Variants in SLCO5A1 observed in about 807,000 individuals in gnomAD.
The protein encoded by SLCO5A1 is organic anion transporter polypeptide-related protein 4.
Under a neutral mutation model 65.1 loss-of-function variants are expected in SLCO5A1, and 39 were observed. The observed-to-expected ratio is 0.60, with a 90% CI of 0.46 to 0.78. SLCO5A1 has a LOEUF of 0.78. Among genes scored for constraint, SLCO5A1 ranks in the 30% least tolerant of loss-of-function variants. The pLI, the probability that SLCO5A1 is intolerant of heterozygous loss-of-function variation, is 0.00. For synonymous variants in SLCO5A1, 438 were observed against 415.7 expected (o/e 1.05, Z -0.65); for missense variants, 1,029 against 1,069.4 (o/e 0.96, Z 0.53).
chr8:69,824,830 A>G (rs1820800438), intron 2 of SLCO5A1, among the ~76,000 whole-genome samples: 1 of 152,236 alleles, frequency 6.6e-6, no homozygotes, highest in Non-Finnish European at 1.5e-5. Flanking sequence ...ACCAAAAAAG[A>G]GAATTTTACA....
chr8:69,760,138 G>A (rs1318954216), intron 3 of SLCO5A1, among the ~76,000 whole-genome samples: 2 of 152,156 alleles, frequency 1.3e-5, no homozygotes, highest in Non-Finnish European at 2.9e-5. Context: ...ATAGAACACA[G>A]AACATATGCT....
At chr8:69,751,088 T>C (rs1315655423) in intron 4 of SLCO5A1, among the ~76,000 whole-genome samples, 1 of 152,238 alleles carries the variant, frequency 6.6e-6, no homozygotes, top group Non-Finnish European at 1.5e-5. Context: ...TGTTACATTT[T>C]ATGCTTAATA....
In SLCO5A1 at chr8:69,761,827, A is replaced by G; in HGVS notation, c.956T>C (p.Leu319Ser). The G allele has an allele frequency of 6.2e-7, 1 of 1,614,026 alleles. No homozygotes were observed. Among genetic ancestry groups the G allele is most frequent in the Non-Finnish European group, 8.5e-7 (1 of 1,179,966 alleles). Reference sequence around the variant, plus strand: ...ATAAAAACCAATAAGAAGTCCACCTAATAAATATCCCACTGCAGGGCCAAG... The same window carrying G: ...ATAAAAACCAATAAGAAGTCCACCTGATAAATATCCCACTGCAGGGCCAAG... ...GALGPAVGYL[L>S]GGLLIGFYVD... is the part of the protein sequence containing the mutation. Residue 319 changes from leucine (L) to serine (S), a missense_variant, in exon 3 of 10, where the codon TTA (leucine) becomes TCA (serine). By Grantham distance (145) the Leu-to-Ser change is moderately radical. Transcript: ENST00000260126.
chr8:69,817,650 G>T (rs1820462701), intron 2 of SLCO5A1, among the ~76,000 whole-genome samples: 1 of 152,140 alleles, frequency 6.6e-6, no homozygotes, highest in Non-Finnish European at 1.5e-5. Flanking sequence ...GAGGTTAAAT[G>T]AGATGATCTC....
Position 69,671,564 on chromosome 8 carries a change from T to C in SLCO5A1, c.*1305A>G, listed in dbSNP as rs1813328787. 1 of 152,178 alleles carries C rather than the reference T, an allele frequency of 6.6e-6. No individual in the cohort carries two copies. Among genetic ancestry groups the C allele is most frequent in the Admixed American group, 6.5e-5 (1 of 15,282 alleles). 9.4% of individuals were successfully genotyped at this position (152,178 alleles called of 1,614,324 possible). A position where few individuals can be genotyped will look rare whatever the true frequency, so the allele number is the denominator to read the frequency against. On this transcript the variant is annotated 3_prime_UTR_variant, in exon 10 of 10. Transcript: ENST00000260126. ...TGATGCTTACTTCAAAGTGATGTGC[T>C]GGGAGGTACTGAAAAGAATGATGGG...
chr8:69,809,733 G>GGTGTGTGTGTGTGT (rs111791623), intron 2 of SLCO5A1, among the ~76,000 whole-genome samples: 21 of 149,280 alleles, frequency 1.4e-4, no homozygotes, highest in South Asian at 1.1e-3. Context: ...TAAGGAGTGT[G>GGTGTGTGTGTGTGT]GTGTGTGTGT....
At chr8:69,779,085 G>A (rs916046281) in intron 2 of SLCO5A1, among the ~76,000 whole-genome samples, 4 of 152,164 alleles carry the variant, frequency 2.6e-5, no homozygotes, top group African/African-American at 9.7e-5. Flanking sequence ...ACATGGTACA[G>A]CCCACAAAGC....
chr8:69,742,981 T>C (rs1443368628), intron 4 of SLCO5A1, among the ~76,000 whole-genome samples: 1 of 152,012 alleles, frequency 6.6e-6, no homozygotes, highest in African/African-American at 2.4e-5. Context: ...TTTATATTTT[T>C]AGTAGAGACG....
chr8:69,801,745 C>CA (rs770359335), intron 2 of SLCO5A1, among the ~76,000 whole-genome samples: 116 of 152,198 alleles, frequency 7.6e-4, no homozygotes, highest in Non-Finnish European at 1.4e-3. Context: ...GCTCCCTGGT[C>CA]AAAAAAATCA....
At chr8:69,731,851 C>A (rs1483957406) in intron 5 of SLCO5A1, among the ~76,000 whole-genome samples, 1 of 152,128 alleles carries the variant, frequency 6.6e-6, no homozygotes. Flanking sequence ...TGTCAGCACA[C>A]GTCTCAGGGG....
In SLCO5A1 at chr8:69,832,025, A is replaced by C; in HGVS notation, c.649T>G (p.Phe217Val). 6.2e-7 allele frequency: 1 copy of C among 1,606,602 alleles called. No individual in the cohort carries two copies. ...FGAALFALPH[F>V]ISPPYQIQEL... ...TGGATCTGGTAGGGGGGCGAGATGA[A>C]GTGAGGTAAGGCGAAGAGGGCTGCC... Residue 217 changes from phenylalanine to valine, a missense_variant, in exon 2 of 10, where the codon TTC (phenylalanine) becomes GTC (valine). Coordinates refer to ENST00000260126, the MANE Select transcript of SLCO5A1 (RefSeq NM_030958.3). This position sits in a 1 kb window ranked among gnomAD's most constrained non-coding sequence, Gnocchi z 4.5.
chr8:69,751,417 T>A (rs898677977), intron 4 of SLCO5A1, among the ~76,000 whole-genome samples: 2 of 152,170 alleles, frequency 1.3e-5, no homozygotes, highest in East Asian at 1.9e-4. Flanking sequence ...ATAATAAGAG[T>A]ATGAAAACAC....
At chr8:69,730,983 G>A (rs1816311245) in intron 5 of SLCO5A1, among the ~76,000 whole-genome samples, 1 of 151,508 alleles carries the variant, frequency 6.6e-6, no homozygotes, top group Non-Finnish European at 1.5e-5. Context: ...GTATTAGGTT[G>A]GTGCAAAAGT....
intron 2 of SLCO5A1, among the ~76,000 whole-genome samples, chr8:69,796,542 G>A (rs570667240): frequency 6.6e-6 from 1 of 151,880 alleles, no homozygotes; most frequent in Non-Finnish European, 1.5e-5. Context: ...CCTGAGCCTG[G>A]CAGGCAGAGG....
intron 2 of SLCO5A1, among the ~76,000 whole-genome samples, chr8:69,785,955 G>T (rs1819027942): frequency 2.0e-5 from 3 of 152,176 alleles, no homozygotes; most frequent in African/African-American, 7.2e-5. Flanking sequence ...AGTTATTATA[G>T]AGATGTTTGC....
At chr8:69,828,500 G>T (rs1821020674) in intron 2 of SLCO5A1, among the ~76,000 whole-genome samples, 2 of 151,934 alleles carry the variant, frequency 1.3e-5, no homozygotes, top group Admixed American at 6.6e-5. Context: ...TACTCGGGAG[G>T]CTGAGGCAGG....
At chr8:69,750,344 T>C (rs980299457) in intron 4 of SLCO5A1, among the ~76,000 whole-genome samples, 7 of 152,118 alleles carry the variant, frequency 4.6e-5, no homozygotes, top group Non-Finnish European at 1.0e-4. Context: ...TGCAGCTGTC[T>C]ACCTGTGCCC....
intron 3 of SLCO5A1, among the ~76,000 whole-genome samples, chr8:69,759,032 TG>T (rs1298432802): frequency 6.6e-6 from 1 of 152,186 alleles, no homozygotes; most frequent in East Asian, 1.9e-4. Flanking sequence ...TGACTACCTA[TG>T]GTTGTTCCAA....
intron 2 of SLCO5A1, among the ~76,000 whole-genome samples, chr8:69,770,632 C>T (rs1323878851): frequency 6.6e-6 from 1 of 152,044 alleles, no homozygotes; most frequent in Non-Finnish European, 1.5e-5. Context: ...AAAAAGGCCA[C>T]CTTCAACAGG....
Sources: gnomAD v4.1 joint callset for allele counts (sites outside exome capture counted in the v4.1 genomes callset) on GRCh38, gnomAD v4.1.1 for gene constraint, Gnocchi (gnomAD v3.1) non-coding constraint, MANE v1.5 for transcripts, NCBI Gene and HGNC (gene_info 2026-07-23, HGNC 2026-07-21) for gene names.